ELOVL6: variants seen among roughly 807,000 people sequenced by gnomAD.
The protein encoded by ELOVL6 is ELOVL fatty acid elongase 6.
In ELOVL6, 8 loss-of-function variants were observed where a neutral mutation model predicts 31.7. That is an observed-to-expected ratio of 0.25 (90% CI 0.15 to 0.45). The LOEUF is 0.45. Among genes scored for constraint, ELOVL6 ranks in the 20% least tolerant of loss-of-function variants. The pLI is 1.00. For synonymous variants in ELOVL6, 101 were observed against 117.7 expected (o/e 0.86, Z 0.92); for missense variants, 126 against 326.4 (o/e 0.39, Z 4.73).
intron 2 of ELOVL6, among the ~76,000 whole-genome samples, chr4:110,084,138 A>C (rs111216351): frequency 3.9e-5 from 2 of 51,298 alleles, no homozygotes; most frequent in African/African-American, 1.9e-4. Context: ...TGTGATAATG[A>C]TATATATGAT....
chr4:110,060,974 C>G (rs7683007), intron 2 of ELOVL6, among the ~76,000 whole-genome samples: 70,775 of 152,106 alleles, frequency 0.47, 19,571 homozygotes, highest in African/African-American at 0.74. Flanking sequence ...GGTCAACTTT[C>G]TACAGTATCA....
At chr4:110,111,357 CCT>C (rs1491505528) in intron 1 of ELOVL6, among the ~76,000 whole-genome samples, 1 of 55,776 alleles carries the variant, frequency 1.8e-5, no homozygotes, top group East Asian at 1.1e-3. Context: ...CCTTAGAATT[CCT>C]TTTTTTTTTT....
intron 1 of ELOVL6, among the ~76,000 whole-genome samples, chr4:110,133,810 C>T (rs1311272754): frequency 6.6e-6 from 1 of 152,144 alleles, no homozygotes; most frequent in Non-Finnish European, 1.5e-5. Flanking sequence ...ATAGAAACAA[C>T]TCACCTCATA....
At chr4:110,084,233 T>A (rs1313339089) in intron 2 of ELOVL6, among the ~76,000 whole-genome samples, 1 of 109,078 alleles carries the variant, frequency 9.2e-6, no homozygotes, top group Non-Finnish European at 1.7e-5. Flanking sequence ...ATGATATATA[T>A]AACATATATG....
At chr4:110,102,109 A>C (rs938512846) in intron 2 of ELOVL6, among the ~76,000 whole-genome samples, 2 of 152,232 alleles carry the variant, frequency 1.3e-5, no homozygotes, top group Non-Finnish European at 2.9e-5. Context: ...CAAACACAGA[A>C]GCATAGCATT....
Position 110,046,903 on chromosome 4 carries a change from G to C in ELOVL6, c.*4435C>G, listed in dbSNP as rs1464502490. 1 of 152,224 alleles carries C rather than the reference G, an allele frequency of 6.6e-6. No homozygotes were observed. The highest frequency in any genetic ancestry group is 1.5e-5 in the Non-Finnish European group (1 of 68,058). 9.4% of individuals were successfully genotyped at this position (152,224 alleles called of 1,614,324 possible). Reference sequence around the variant, plus strand: ...GTGTATACACTACTGGCCAAATGTGGTGGTGGATCTTGGCAAAGTCTCTTC... The same window carrying C: ...GTGTATACACTACTGGCCAAATGTGCTGGTGGATCTTGGCAAAGTCTCTTC... On this transcript the variant is annotated 3_prime_UTR_variant, in exon 4 of 4. Coordinates refer to ENST00000302274, the MANE Select transcript of ELOVL6 (RefSeq NM_024090.3).
At chr4:110,117,903 A>AAAAAAAAATATATAT in intron 1 of ELOVL6, 1 of 6,506 alleles carries the variant, frequency 1.5e-4, no homozygotes, top group African/African-American at 3.3e-4. Context: ...AAAAAAAAAA[A>AAAAAAAAATATATAT]ATATATATAT....
intron 1 of ELOVL6, among the ~76,000 whole-genome samples, chr4:110,109,353 T>C (rs1215251195): frequency 2.0e-5 from 3 of 152,182 alleles, no homozygotes. Context: ...GGAGTTATGA[T>C]TACCAGGTGA....
At chr4:110,106,541 T>G (rs1020244691) in intron 1 of ELOVL6, among the ~76,000 whole-genome samples, 2 of 152,142 alleles carry the variant, frequency 1.3e-5, no homozygotes, top group Non-Finnish European at 2.9e-5. Context: ...ACTGTCATGG[T>G]GTTGGTGGGA....
At chr4:110,078,039 A>C in intron 2 of ELOVL6, among the ~76,000 whole-genome samples, 1 of 152,236 alleles carries the variant, frequency 6.6e-6, no homozygotes, top group East Asian at 1.9e-4. Context: ...ACTTTAGAGA[A>C]AAAAGAATAA....
rs56241552 is a variant in ELOVL6, at chr4:110,142,292, G to A, written c.90-36664C>T. Among the ~76,000 whole-genome samples the A allele has an allele frequency of 5.6e-3, 848 of 151,808 alleles. 4 individuals are homozygous for A. Among genetic ancestry groups the A allele is most frequent in the Non-Finnish European group, 8.3e-3 (566 of 67,876 alleles). On this transcript the variant is annotated intron_variant, in intron 1 of 3. Transcript: ENST00000302274. ...GATCTCCTGACCTCATGATCCATCC[G>A]CCTTGGCCTCCTAAAGTGCTGGGAT...
chr4:110,123,424 T>A (rs181785965), intron 1 of ELOVL6, among the ~76,000 whole-genome samples: 2 of 152,220 alleles, frequency 1.3e-5, no homozygotes, highest in Admixed American at 6.5e-5. Context: ...CGGGAATACA[T>A]CAGTGAACCA....
chr4:110,116,299 A>G (rs1001312971), intron 1 of ELOVL6, among the ~76,000 whole-genome samples: 1 of 152,232 alleles, frequency 6.6e-6, no homozygotes, highest in Non-Finnish European at 1.5e-5. Flanking sequence ...CCATTCTTCT[A>G]CTAAAACACA....
intron 1 of ELOVL6, among the ~76,000 whole-genome samples, chr4:110,126,170 A>G (rs1462987436): frequency 1.3e-5 from 2 of 152,058 alleles, no homozygotes; most frequent in Non-Finnish European, 2.9e-5. Context: ...CAGCCTCCCA[A>G]GTAGCTAGGA....
chr4:110,062,144 AT>A (rs1755159431), intron 2 of ELOVL6, among the ~76,000 whole-genome samples: 3 of 152,204 alleles, frequency 2.0e-5, no homozygotes. Context: ...GCAAATAGGT[AT>A]TCACAAGTTT....
intron 2 of ELOVL6, among the ~76,000 whole-genome samples, chr4:110,096,849 A>G (rs1756592890): frequency 6.6e-6 from 1 of 152,224 alleles, no homozygotes; most frequent in Non-Finnish European, 1.5e-5. Flanking sequence ...TATAATAAAT[A>G]GCTGCAATTT....
chr4:110,171,459 A>G (rs1251408864), intron 1 of ELOVL6, among the ~76,000 whole-genome samples: 2 of 149,606 alleles, frequency 1.3e-5, no homozygotes, highest in Non-Finnish European at 2.9e-5. Context: ...GTATTAGATC[A>G]TACCTTTTTT....
chr4:110,067,177 T>G (rs1755330362), intron 2 of ELOVL6, among the ~76,000 whole-genome samples: 2 of 152,246 alleles, frequency 1.3e-5, no homozygotes, highest in African/African-American at 4.8e-5. Flanking sequence ...TACTTAACAC[T>G]TCAGAGTGTA....
intron 2 of ELOVL6, among the ~76,000 whole-genome samples, chr4:110,084,134 A>ATATATATGATATATATAACATAT (rs1372065552): frequency 2.2e-5 from 1 of 45,960 alleles, no homozygotes; most frequent in Admixed American, 3.2e-4. Context: ...TATATGTGAT[A>ATATATATGATATATATAACATAT]ATGATATATA....
Sources: allele counts gnomAD v4.1 joint callset (sites outside exome capture counted in the v4.1 genomes callset), GRCh38; gene constraint gnomAD v4.1.1; transcripts MANE v1.5; gene names NCBI Gene and HGNC (gene_info 2026-07-23, HGNC 2026-07-21).